Variants in CYP3A43 observed in about 807,000 individuals in gnomAD.
CYP3A43 encodes cytochrome P450 3A43.
Under a neutral mutation model 58.0 loss-of-function variants are expected in CYP3A43, and 45 were observed. The observed-to-expected ratio is 0.78, with a 90% CI of 0.61 to 0.99. The LOEUF (loss-of-function observed/expected upper bound fraction) is 0.99. Among genes scored for constraint, CYP3A43 ranks in the 50% least tolerant of loss-of-function variants. CYP3A43 has a pLI of 0.00. For synonymous variants in CYP3A43, 191 were observed against 201.4 expected (o/e 0.95, Z 0.44); for missense variants, 593 against 591.9 (o/e 1.00, Z -0.02).
At chr7:99,829,653 G>C (rs888254756) in intron 1 of CYP3A43, among the ~76,000 whole-genome samples, 2 of 152,142 alleles carry the variant, frequency 1.3e-5, no homozygotes, top group Non-Finnish European at 2.9e-5. Flanking sequence ...CTTTTTGTCT[G>C]GCTGCCCTGT....
intron 1 of CYP3A43, among the ~76,000 whole-genome samples, chr7:99,829,121 G>A (rs1816738897): frequency 1.3e-5 from 2 of 151,952 alleles, no homozygotes; most frequent in African/African-American, 4.8e-5. Flanking sequence ...ATATATTGTG[G>A]GCCTCCAGCA....
chr7:99,861,616 C>G lies in CYP3A43; in HGVS notation c.1030C>G (p.Pro344Ala). The G allele has an allele frequency of 1.2e-6, 2 of 1,613,744 alleles. No homozygotes were observed. Among genetic ancestry groups the G allele is most frequent in the Non-Finnish European group, 1.7e-6 (2 of 1,179,832 alleles). ...AAATCTGTTTCTTTCTTCCCAGGCA[C>G]CTGTCACCTACGATGCCCTGGTACA... ...EIDAVLPNKA[P>A]VTYDALVQME... Residue 344 changes from proline to alanine, a missense_variant, in exon 11 of 13, where the codon CCT becomes GCT. Pro to Ala is a conservative substitution (Grantham distance 27, BLOSUM62 -1). Transcript: ENST00000354829.
chr7:99,858,315 C>T (rs1319405567), intron 9 of CYP3A43, among the ~76,000 whole-genome samples: 1 of 152,178 alleles, frequency 6.6e-6, no homozygotes, highest in Admixed American at 6.5e-5. Flanking sequence ...AGACCTTTCT[C>T]ACACTCATCT....
At position 99,849,065 on chromosome 7, in the gene CYP3A43, C is replaced by T. The variant is rs568139283; in HGVS notation, c.522-481C>T. On this transcript the variant is annotated intron_variant, in intron 6 of 12. Transcript: ENST00000354829. Reference sequence around the variant, plus strand: ...ATCAGGGAGTGCAGCGGAGACATGACGTTCACAGCAAGTCTGAACAGGGTG... The same window carrying T: ...ATCAGGGAGTGCAGCGGAGACATGATGTTCACAGCAAGTCTGAACAGGGTG... Among the ~76,000 whole-genome samples, 10 of 152,296 alleles carry T rather than the reference C, an allele frequency of 6.6e-5. No homozygotes were observed. In the South Asian group the frequency reaches 1.9e-3, roughly 28 times the overall value.
At chr7:99,852,639 C>T (rs1222281492) in intron 7 of CYP3A43, among the ~76,000 whole-genome samples, 1 of 151,992 alleles carries the variant, frequency 6.6e-6, no homozygotes, top group Non-Finnish European at 1.5e-5. Context: ...TGTATATTGA[C>T]CTTCTATCTT....
chr7:99,865,852 A>G (rs1818425722), intron 12 of CYP3A43, 54 bp from the exon 13 acceptor site: 3 of 1,336,688 alleles, frequency 2.2e-6, no homozygotes, highest in Non-Finnish European at 3.1e-6. Flanking sequence ...TTTTGCTTCT[A>G]TCTTTTCTTC....
intron 12 of CYP3A43, 40 bp from the exon 13 acceptor site, chr7:99,865,866 T>C: frequency 2.1e-6 from 3 of 1,398,112 alleles, no homozygotes; most frequent in Non-Finnish European, 2.9e-6. Context: ...TTTCTTCATT[T>C]GCTTCATTGT....
intron 4 of CYP3A43, among the ~76,000 whole-genome samples, chr7:99,845,750 A>G (rs1390089899): frequency 6.7e-6 from 1 of 150,156 alleles, no homozygotes; most frequent in Non-Finnish European, 1.5e-5. Context: ...GATTACTCCC[A>G]CTTTATTTAT....
intron 7 of CYP3A43, among the ~76,000 whole-genome samples, chr7:99,850,278 T>A (rs936126826): frequency 6.6e-6 from 1 of 151,308 alleles, no homozygotes; most frequent in East Asian, 1.9e-4. Context: ...TTCTTTCTTT[T>A]TTTAAACAGA....
At chr7:99,852,191 C>T (rs1355609659) in intron 7 of CYP3A43, among the ~76,000 whole-genome samples, 1 of 152,170 alleles carries the variant, frequency 6.6e-6, no homozygotes, top group African/African-American at 2.4e-5. Flanking sequence ...TCACATTGTC[C>T]TGATTATTAG....
intron 4 of CYP3A43, among the ~76,000 whole-genome samples, chr7:99,845,083 A>T (rs1207125837): frequency 6.6e-6 from 1 of 150,890 alleles, no homozygotes; most frequent in East Asian, 1.9e-4. Flanking sequence ...AAAAAAAAAA[A>T]AGTTATATGG....
intron 1 of CYP3A43, among the ~76,000 whole-genome samples, chr7:99,832,093 T>C (rs1280966946): frequency 6.6e-6 from 1 of 152,038 alleles, no homozygotes; most frequent in Non-Finnish European, 1.5e-5. Flanking sequence ...TGTTTAAGGA[T>C]GGCCAGATCC....
At position 99,834,783 on chromosome 7, in the gene CYP3A43, C is replaced by A. The variant is rs1422334519; in HGVS notation, c.72-1670C>A. 9.2e-5 allele frequency among the ~76,000 whole-genome samples: 14 copies of A among 152,330 alleles called. No homozygotes were observed. The East Asian group carries it at 2.7e-3, about 29-fold the overall frequency. On this transcript the variant is annotated intron_variant, in intron 1 of 12. Transcript: ENST00000354829. ...CCTTTCCTCATTGGGCAATACAGTACTTTCCAATTATGGAGGTTTTTAACA... is the reference window on the plus strand; with the variant it reads ...CCTTTCCTCATTGGGCAATACAGTAATTTCCAATTATGGAGGTTTTTAACA...
At chr7:99,864,558 T>C (rs1818374842) in intron 12 of CYP3A43, among the ~76,000 whole-genome samples, 1 of 148,824 alleles carries the variant, frequency 6.7e-6, no homozygotes, top group African/African-American at 2.6e-5. Flanking sequence ...CCTAATCTTA[T>C]ACTTTTCATT....
At position 99,844,227 on chromosome 7, in the gene CYP3A43, C is replaced by G; in HGVS notation, c.303C>G (p.Val101=). 1.9e-6 allele frequency: 3 copies of G among 1,613,596 alleles called. No homozygotes were observed. The highest frequency in any genetic ancestry group is 2.5e-6 in the Non-Finnish European group (3 of 1,179,830). The change falls in exon 4 of 13, where the codon GTC becomes GTG. Residue 101 remains valine (V), a synonymous_variant. Transcript: ENST00000354829. ...KTVLVKECYS[V]FTNQMPLGPM... ...TGTTAGTGAAAGAATGTTACTCTGT[C>G]TTCACAAACCAGATGGTAGGCCTAT...
chr7:99,839,574 T>G (rs980847364), intron 3 of CYP3A43, among the ~76,000 whole-genome samples: 4 of 152,216 alleles, frequency 2.6e-5, no homozygotes, highest in African/African-American at 9.6e-5. Flanking sequence ...GTGGCATCAC[T>G]CGTCTGGGGT....
In CYP3A43 at chr7:99,864,537, T is replaced by C. The variant is rs1295951932; in HGVS notation, c.1416+838T>C. 2.7e-5 allele frequency among the ~76,000 whole-genome samples: 4 copies of C among 148,984 alleles called. 1 individual carries two copies. The highest frequency in any genetic ancestry group is 5.2e-5 in the African/African-American group (2 of 38,338). ...TGCTTTGTTACTGTTTATTGCAGGCTGTTATCATCACCTAATCTTATACTT... is the reference window on the plus strand; with the variant it reads ...TGCTTTGTTACTGTTTATTGCAGGCCGTTATCATCACCTAATCTTATACTT... On this transcript the variant is annotated intron_variant, in intron 12 of 12. Coordinates refer to ENST00000354829, the MANE Select transcript of CYP3A43 (RefSeq NM_057095.3).
intron 3 of CYP3A43, among the ~76,000 whole-genome samples, chr7:99,842,563 T>A (rs1817375302): frequency 1.3e-5 from 2 of 152,224 alleles, no homozygotes; most frequent in Admixed American, 1.3e-4. Flanking sequence ...TACAAAAGTT[T>A]TAACACTTTT....
At chr7:99,839,284 T>A in intron 3 of CYP3A43, 112 bp downstream of exon 3, 1 of 1,295,444 alleles carries the variant, frequency 7.7e-7, no homozygotes, top group Non-Finnish European at 1.1e-6. Flanking sequence ...ATTGTCAACC[T>A]AAGTAACAAA....
Sources: gnomAD v4.1 joint callset for allele counts (sites outside exome capture counted in the v4.1 genomes callset) on GRCh38, gnomAD v4.1.1 for gene constraint, MANE v1.5 for transcripts, NCBI Gene and HGNC (gene_info 2026-07-23, HGNC 2026-07-21) for gene names.